MYO1D: variants seen among roughly 807,000 people sequenced by gnomAD.
The protein encoded by MYO1D is myosin ID, also known as unconventional myosin-Id.
In MYO1D, 83 loss-of-function variants were observed where a neutral mutation model predicts 122.0. That is an observed-to-expected ratio of 0.68 (90% CI 0.57 to 0.82). MYO1D has a LOEUF of 0.82. Ranked by LOEUF, MYO1D falls within the 40% of genes least tolerant of loss-of-function variation. MYO1D has a pLI of 0.00. For missense variants in MYO1D, 1,157 were observed against 1,269.5 expected, an observed-to-expected ratio of 0.91 and a Z score of 1.35; for synonymous variants, 464 against 446.9, an observed-to-expected ratio of 1.04 and a Z score of -0.48.
intron 20 of MYO1D, among the ~76,000 whole-genome samples, chr17:32,609,541 T>A (rs543360809): frequency 6.6e-6 from 1 of 152,182 alleles, no homozygotes; most frequent in Non-Finnish European, 1.5e-5. Context: ...GTTTTACAGA[T>A]AGAAATTGAG....
intron 17 of MYO1D, among the ~76,000 whole-genome samples, chr17:32,657,175 G>T (rs922562807): frequency 3.3e-5 from 5 of 152,234 alleles, no homozygotes; most frequent in African/African-American, 1.2e-4. Flanking sequence ...AAGAATTACT[G>T]TGAAGAACAG....
chr17:32,662,500 G>A lies in MYO1D; in HGVS notation c.2122-3162C>T, dbSNP rs563677783. On this transcript the variant is annotated intron_variant, in intron 16 of 21. Coordinates refer to ENST00000318217, the MANE Select transcript of MYO1D (RefSeq NM_015194.3). ...AGCTTGGCCAACATGGTGAAACCCC[G>A]TCTCTACTAAAAAATACAAAAAATT... Among the ~76,000 whole-genome samples the A allele has an allele frequency of 3.9e-5, 6 of 152,144 alleles. No individual in the cohort carries two copies. The East Asian group carries it at 5.8e-4, about 15-fold the overall frequency.
chr17:32,816,594 A>G (rs568424594), intron 1 of MYO1D, among the ~76,000 whole-genome samples: 6 of 152,254 alleles, frequency 3.9e-5, no homozygotes, highest in African/African-American at 7.2e-5. Flanking sequence ...TGTTTTAACA[A>G]TATCTTCAAA....
intron 10 of MYO1D, among the ~76,000 whole-genome samples, chr17:32,758,849 T>C (rs963414825): frequency 3.9e-5 from 6 of 152,128 alleles, no homozygotes; most frequent in Admixed American, 6.5e-5. Context: ...CTAGGACAAA[T>C]AGTTCTTGGT....
At chr17:32,726,455 CTTTTCA>C (rs2089574351) in intron 14 of MYO1D, among the ~76,000 whole-genome samples, 2 of 139,998 alleles carry the variant, frequency 1.4e-5, no homozygotes, top group Admixed American at 1.4e-4. Context: ...AAAAGTCATG[CTTTTCA>C]TGAGTAACTT....
intron 16 of MYO1D, among the ~76,000 whole-genome samples, chr17:32,703,451 G>GTT (rs919547291): frequency 8.5e-5 from 12 of 142,004 alleles, no homozygotes; most frequent in African/African-American, 2.6e-4. Flanking sequence ...CCTTTTGCTT[G>GTT]TTTTTTTTTT....
chr17:32,818,361 G>A (rs1013426247), intron 1 of MYO1D, among the ~76,000 whole-genome samples: 11 of 152,176 alleles, frequency 7.2e-5, no homozygotes, highest in Admixed American at 5.9e-4. Flanking sequence ...CCATGTGAAG[G>A]CCTCATTATG....
chr17:32,603,805 G>T (rs542897784), intron 21 of MYO1D, among the ~76,000 whole-genome samples: 1 of 152,094 alleles, frequency 6.6e-6, no homozygotes, highest in Non-Finnish European at 1.5e-5. Context: ...GATTACAGGC[G>T]TGAGCCACTG....
At chr17:32,843,281 T>C (rs1022225911) in intron 1 of MYO1D, among the ~76,000 whole-genome samples, 1 of 152,160 alleles carries the variant, frequency 6.6e-6, no homozygotes, top group Non-Finnish European at 1.5e-5. Context: ...TAAGAAAGAC[T>C]ATTGACTTAA....
Position 32,737,430 on chromosome 17 carries a change from G to A in MYO1D, c.1746+823C>T, listed in dbSNP as rs1336113463. 2.0e-5 allele frequency among the ~76,000 whole-genome samples: 3 copies of A among 149,456 alleles called. No homozygotes were observed. In the East Asian group the frequency reaches 5.9e-4, roughly 29 times the overall value. On this transcript the variant is annotated intron_variant, in intron 14 of 21. Coordinates refer to ENST00000318217, the MANE Select transcript of MYO1D (RefSeq NM_015194.3). ...GACTGGAGTGTAGTGGTGTGATCTT[G>A]GCTCACTGCAACCTCTGCCTCCCAG...
chr17:32,640,785 GT>G (rs1358208570), intron 19 of MYO1D, among the ~76,000 whole-genome samples: 1 of 151,880 alleles, frequency 6.6e-6, no homozygotes, highest in Non-Finnish European at 1.5e-5. Flanking sequence ...AAGCTGTTCA[GT>G]TCTAGCCTTA....
At chr17:32,722,071 C>T (rs1237834504) in intron 14 of MYO1D, among the ~76,000 whole-genome samples, 2 of 152,054 alleles carry the variant, frequency 1.3e-5, no homozygotes, top group African/African-American at 2.4e-5. Flanking sequence ...GAAGTAGAAA[C>T]GGGTAGTAAA....
chr17:32,822,418 G>A (rs73283749), intron 1 of MYO1D, among the ~76,000 whole-genome samples: 3 of 151,904 alleles, frequency 2.0e-5, no homozygotes, highest in African/African-American at 4.8e-5. Flanking sequence ...AGCGCCGTCC[G>A]TCCGTTCGTC....
chr17:32,539,478 A>G (rs1440558705), intron 21 of MYO1D, among the ~76,000 whole-genome samples: 1 of 152,158 alleles, frequency 6.6e-6, no homozygotes, highest in Non-Finnish European at 1.5e-5. Flanking sequence ...CTGGAGTCCA[A>G]AAGTCTGAAA....
intron 1 of MYO1D, among the ~76,000 whole-genome samples, chr17:32,795,753 G>C (rs987410846): frequency 6.6e-6 from 1 of 152,218 alleles, no homozygotes; most frequent in Admixed American, 6.5e-5. Flanking sequence ...GAGGAAGAGA[G>C]TCCGCCTGAA....
rs189114193 is a variant in MYO1D, at chr17:32,743,774, C to T, written c.1613+1437G>A. On this transcript the variant is annotated intron_variant, in intron 13 of 21. Coordinates refer to ENST00000318217, the MANE Select transcript of MYO1D (RefSeq NM_015194.3). ...CTGGGACTACAGACACTCACCGCCA[C>T]ACCCGGCTAATTTTTTCATATTTTT... 2.8e-3 allele frequency among the ~76,000 whole-genome samples: 422 copies of T among 152,124 alleles called. 2 individuals carry two copies. The highest frequency in any genetic ancestry group is 9.9e-3 in the African/African-American group (410 of 41,480).
intron 21 of MYO1D, chr17:32,594,654 A>T (rs1035375357): frequency 5.8e-6 from 3 of 513,992 alleles, no homozygotes; most frequent in African/African-American, 5.8e-5. Flanking sequence ...CTTACTGTTA[A>T]TATCTTCCTT....
chr17:32,834,397 C>T (rs373885751), intron 1 of MYO1D, among the ~76,000 whole-genome samples: 1 of 152,180 alleles, frequency 6.6e-6, no homozygotes, highest in South Asian at 2.1e-4. Context: ...CCAAACAGTG[C>T]CTGTGGGTAA....
intron 21 of MYO1D, among the ~76,000 whole-genome samples, chr17:32,538,899 T>C (rs1350154291): frequency 6.6e-6 from 1 of 151,682 alleles, no homozygotes. Flanking sequence ...TGCTGAACAA[T>C]GAGAACACAT....
Sources: allele counts gnomAD v4.1 joint callset (sites outside exome capture counted in the v4.1 genomes callset), GRCh38; gene constraint gnomAD v4.1.1; transcripts MANE v1.5; gene names NCBI Gene and HGNC (gene_info 2026-07-23, HGNC 2026-07-21).